Variants in PTPRD observed in about 807,000 individuals in gnomAD.
PTPRD encodes receptor-type tyrosine-protein phosphatase delta.
PTPRD carries 34 observed loss-of-function variants against 214.5 expected under a neutral mutation model. The observed-to-expected ratio is 0.16, with a 90% confidence interval of 0.12 to 0.21. The LOEUF is 0.21. Among genes scored for constraint, PTPRD ranks in the 10% least tolerant of loss-of-function variants. The pLI is 1.00. For synonymous variants in PTPRD, 1,128 were observed against 845.7 expected, an observed-to-expected ratio of 1.33 and a Z score of -5.79; for missense variants, 2,545 against 2,398.7, an observed-to-expected ratio of 1.06 and a Z score of -1.27.
At chr9:10,232,751 G>C (rs909019969) in intron 3 of PTPRD, among the ~76,000 whole-genome samples, 3 of 151,874 alleles carry the variant, frequency 2.0e-5, no homozygotes, top group Admixed American at 6.6e-5. Flanking sequence ...AAACTGATAG[G>C]GAATGAGAGT....
chr9:8,391,154 A>G (rs991957356), intron 36 of PTPRD, among the ~76,000 whole-genome samples: 6 of 151,596 alleles, frequency 4.0e-5, no homozygotes, highest in African/African-American at 7.3e-5. Context: ...TTTTTTCTTT[A>G]TAATGAAACA....
At chr9:9,776,405 T>G (rs974131075) in intron 5 of PTPRD, among the ~76,000 whole-genome samples, 1 of 152,194 alleles carries the variant, frequency 6.6e-6, no homozygotes, top group East Asian at 1.9e-4. Context: ...GCTTTACTGA[T>G]CTGTATCTTC....
rs1002769794 is a variant in PTPRD at position 8,984,365 on chromosome 9, C to T, written c.-104+34332G>A. On this transcript the variant is annotated intron_variant, in intron 11 of 45. Coordinates refer to ENST00000381196, the MANE Select transcript of PTPRD (RefSeq NM_002839.4). ...TTGTTTTTTAAAAAATAAATAAGTA[C>T]GATGAATCTTTAATAACAAGAACCT... 1.6e-4 allele frequency among the ~76,000 whole-genome samples: 25 copies of T among 152,042 alleles called. 2 individuals carry two copies. The South Asian group carries it at 2.3e-3, about 14-fold the overall frequency.
At chr9:9,537,614 A>T (rs2076781951) in intron 8 of PTPRD, among the ~76,000 whole-genome samples, 1 of 152,022 alleles carries the variant, frequency 6.6e-6, no homozygotes, top group African/African-American at 2.4e-5. Flanking sequence ...ACTAAGGCAT[A>T]GTTCAATAGA....
chr9:10,373,075 C>T (rs770011972), intron 2 of PTPRD, among the ~76,000 whole-genome samples: 19 of 150,610 alleles, frequency 1.3e-4, no homozygotes, highest in Admixed American at 3.3e-4. Context: ...TCAAGTGATC[C>T]GCCAGCCTTG....
intron 9 of PTPRD, among the ~76,000 whole-genome samples, chr9:9,248,884 T>C (rs532799750): frequency 6.6e-6 from 1 of 152,190 alleles, no homozygotes; most frequent in South Asian, 2.1e-4. Flanking sequence ...GAGAGATTTC[T>C]ACTCTAAAGA....
At chr9:10,523,031 T>C (rs1295810628) in intron 2 of PTPRD, among the ~76,000 whole-genome samples, 2 of 152,068 alleles carry the variant, frequency 1.3e-5, no homozygotes, top group African/African-American at 2.4e-5. Context: ...ATATTCCTCT[T>C]ACAGCCAAAC....
chr9:9,136,024 C>T (rs185626248), intron 10 of PTPRD, among the ~76,000 whole-genome samples: 13 of 151,538 alleles, frequency 8.6e-5, no homozygotes, highest in African/African-American at 2.9e-4. Flanking sequence ...CACACATGCA[C>T]ACACACATAC....
chr9:9,341,483 T>G (rs1596054457), intron 9 of PTPRD, among the ~76,000 whole-genome samples: 1 of 152,136 alleles, frequency 6.6e-6, no homozygotes, highest in East Asian at 1.9e-4. Context: ...ACACAGACAT[T>G]AGTAGCCTGG....
At chr9:9,569,609 C>T (rs1007177315) in intron 8 of PTPRD, among the ~76,000 whole-genome samples, 2 of 151,442 alleles carry the variant, frequency 1.3e-5, no homozygotes, top group African/African-American at 4.8e-5. Flanking sequence ...AGTCTAATCT[C>T]GATTTTCCCA....
At chr9:9,781,281 A>C (rs904655294) in intron 5 of PTPRD, among the ~76,000 whole-genome samples, 2 of 152,240 alleles carry the variant, frequency 1.3e-5, no homozygotes, top group African/African-American at 2.4e-5. Context: ...GGAAGAGGGA[A>C]TTCCTTGTTA....
At chr9:8,347,324 A>G (rs2074127125) in intron 39 of PTPRD, among the ~76,000 whole-genome samples, 1 of 152,058 alleles carries the variant, frequency 6.6e-6, no homozygotes, top group Non-Finnish European at 1.5e-5. Flanking sequence ...TCTTCCATCC[A>G]TATTTGTTGT....
At chr9:10,003,257 G>A (rs1386300749) in intron 4 of PTPRD, among the ~76,000 whole-genome samples, 1 of 151,680 alleles carries the variant, frequency 6.6e-6, no homozygotes. Flanking sequence ...CTATGGAGAT[G>A]ATGAGGAATG....
At chr9:9,908,400 T>C (rs376571346) in intron 5 of PTPRD, among the ~76,000 whole-genome samples, 55 of 151,980 alleles carry the variant, frequency 3.6e-4, no homozygotes, top group African/African-American at 1.3e-3. Flanking sequence ...CCAGCCTGTC[T>C]GAGGACTAGT....
At chr9:10,031,908 G>A (rs2097087789) in intron 4 of PTPRD, among the ~76,000 whole-genome samples, 1 of 152,050 alleles carries the variant, frequency 6.6e-6, no homozygotes, top group African/African-American at 2.4e-5. Flanking sequence ...AATTGGTTCA[G>A]CAGTATTAGG....
intron 2 of PTPRD, among the ~76,000 whole-genome samples, chr9:10,550,020 T>A (rs1468015894): frequency 1.3e-5 from 2 of 152,106 alleles, no homozygotes; most frequent in Non-Finnish European, 2.9e-5. Context: ...TGAGGATGGA[T>A]AGGTTGGATC....
chr9:10,225,604 G>A (rs2099586278), intron 3 of PTPRD, among the ~76,000 whole-genome samples: 1 of 151,992 alleles, frequency 6.6e-6, no homozygotes, highest in African/African-American at 2.4e-5. Context: ...TGGTTGTGCT[G>A]AGACTTGATT....
chr9:10,049,407 A>AAAAG (rs1165910757), intron 3 of PTPRD, among the ~76,000 whole-genome samples: 4,054 of 115,628 alleles, frequency 0.035, 132 homozygotes, highest in African/African-American at 0.11. Context: ...TTAAAAAAAA[A>AAAAG]AAAGAAAGAA....
intron 14 of PTPRD, among the ~76,000 whole-genome samples, chr9:8,598,439 C>A (rs2094592832): frequency 6.6e-6 from 1 of 151,512 alleles, no homozygotes; most frequent in Non-Finnish European, 1.5e-5. Flanking sequence ...CCAGCCTAGG[C>A]AACAGAACAA....
Sources: gnomAD v4.1 joint callset for allele counts (sites outside exome capture counted in the v4.1 genomes callset) on GRCh38, gnomAD v4.1.1 for gene constraint, MANE v1.5 for transcripts, NCBI Gene and HGNC (gene_info 2026-07-23, HGNC 2026-07-21) for gene names.